STPG2: variants seen among roughly 807,000 people sequenced by gnomAD.
STPG2 encodes the protein sperm tail PG-rich repeat containing 2, also known as sperm-tail PG-rich repeat-containing protein 2.
Under a neutral mutation model 54.2 loss-of-function variants are expected in STPG2, and 56 were observed. The observed-to-expected ratio is 1.03, with a 90% CI of 0.83 to 1.29. The LOEUF is 1.29. STPG2 is among the 50% of genes most tolerant of loss of function. The pLI is 0.00. For synonymous variants in STPG2, 200 were observed against 181.8 expected (o/e 1.10, Z -0.81); for missense variants, 596 against 544.9 (o/e 1.09, Z -0.93).
At chr4:97,957,381 G>A (rs1733720957) in intron 7 of STPG2, among the ~76,000 whole-genome samples, 2 of 150,486 alleles carry the variant, frequency 1.3e-5, no homozygotes, top group African/African-American at 2.4e-5. Context: ...CAAAGACAAA[G>A]AAAAAAAATA....
chr4:97,864,813 AC>A (rs1237140898), intron 8 of STPG2, among the ~76,000 whole-genome samples: 1 of 152,146 alleles, frequency 6.6e-6, no homozygotes, highest in Non-Finnish European at 1.5e-5. Context: ...CTGATCTTTG[AC>A]AAACCTGACA....
chr4:97,862,255 A>G (rs1055712730), intron 8 of STPG2, among the ~76,000 whole-genome samples: 2 of 151,968 alleles, frequency 1.3e-5, no homozygotes, highest in Non-Finnish European at 2.9e-5. Flanking sequence ...AGGAAGATCT[A>G]CCAAGCAAAT....
At chr4:97,636,793 A>G (rs1351029608) in intron 10 of STPG2, among the ~76,000 whole-genome samples, 1 of 152,194 alleles carries the variant, frequency 6.6e-6, no homozygotes, top group Non-Finnish European at 1.5e-5. Flanking sequence ...CTAAACCAGG[A>G]AGAAGTTGAA....
chr4:98,037,389 T>TA (rs1448804443), intron 5 of STPG2, among the ~76,000 whole-genome samples: 1 of 152,076 alleles, frequency 6.6e-6, no homozygotes, highest in Non-Finnish European at 1.5e-5. Context: ...TTAATGTATA[T>TA]ACAAAATTAA....
intron 10 of STPG2, among the ~76,000 whole-genome samples, chr4:97,662,036 G>A (rs911600327): frequency 5.3e-5 from 8 of 152,010 alleles, no homozygotes; most frequent in African/African-American, 1.9e-4. Flanking sequence ...TCGACACATA[G>A]GACTTAATTA....
intron 10 of STPG2, among the ~76,000 whole-genome samples, chr4:97,576,653 A>C (rs1387664159): frequency 6.6e-6 from 1 of 152,134 alleles, no homozygotes; most frequent in Non-Finnish European, 1.5e-5. Context: ...CCTAGAAGAA[A>C]ACTTAGAAAA....
chr4:97,636,356 A>T (rs958735727), intron 10 of STPG2, among the ~76,000 whole-genome samples: 78 of 140,370 alleles, frequency 5.6e-4, no homozygotes, highest in African/African-American at 1.9e-3. Flanking sequence ...GTAGAGGGAA[A>T]TTTATAGCAT....
At chr4:97,496,993 T>TC (rs1730625407) in intron 4 of STPG2, among the ~76,000 whole-genome samples, 1 of 151,362 alleles carries the variant, frequency 6.6e-6, no homozygotes, top group Non-Finnish European at 1.5e-5. Flanking sequence ...TTCCTTTTTT[T>TC]TTTTTTTTAA....
chr4:97,955,284 G>A (rs966183845), intron 7 of STPG2, among the ~76,000 whole-genome samples: 2 of 149,540 alleles, frequency 1.3e-5, no homozygotes, highest in African/African-American at 2.5e-5. Flanking sequence ...GCACGATCTC[G>A]GCTCACGGCT....
At chr4:98,002,148 G>A (rs1161196898) in intron 5 of STPG2, among the ~76,000 whole-genome samples, 4 of 151,916 alleles carry the variant, frequency 2.6e-5, no homozygotes, top group Non-Finnish European at 5.9e-5. Flanking sequence ...GTAGTAGCAG[G>A]GTTTCATGAT....
intron 3 of STPG2, among the ~76,000 whole-genome samples, chr4:98,117,286 A>G (rs1739547199): frequency 6.6e-6 from 1 of 151,896 alleles, no homozygotes; most frequent in Admixed American, 6.6e-5. Context: ...CATGATTTCT[A>G]TTAACCTTTT....
intron 8 of STPG2, among the ~76,000 whole-genome samples, chr4:97,905,352 A>C (rs1447341221): frequency 6.6e-6 from 1 of 152,176 alleles, no homozygotes; most frequent in Non-Finnish European, 1.5e-5. Flanking sequence ...TATCCAGCCA[A>C]ACTAAGCTTC....
At chr4:97,674,584 A>G (rs1248670761) in intron 10 of STPG2, among the ~76,000 whole-genome samples, 1 of 152,114 alleles carries the variant, frequency 6.6e-6, no homozygotes, top group Non-Finnish European at 1.5e-5. Context: ...CTACAATCAA[A>G]CCCTTAAAAT....
chr4:97,873,095 A>T (rs1159575289), intron 8 of STPG2, among the ~76,000 whole-genome samples: 1 of 151,272 alleles, frequency 6.6e-6, no homozygotes, highest in Admixed American at 6.6e-5. Flanking sequence ...CACACCTATT[A>T]CCTATATCTA....
At chr4:97,977,110 A>G (rs1734524883) in intron 6 of STPG2, among the ~76,000 whole-genome samples, 1 of 152,108 alleles carries the variant, frequency 6.6e-6, no homozygotes, top group Admixed American at 6.5e-5. Context: ...AAATACTGTA[A>G]AAGACTAAAA....
chr4:97,459,203 G>A (rs959902545), intron 4 of STPG2, among the ~76,000 whole-genome samples: 10 of 151,974 alleles, frequency 6.6e-5, no homozygotes, highest in African/African-American at 2.4e-5. Flanking sequence ...ACACAAAGAG[G>A]CAGAAAGGAA....
chr4:97,752,043 T>C (rs1725595834), intron 9 of STPG2, among the ~76,000 whole-genome samples: 1 of 151,800 alleles, frequency 6.6e-6, no homozygotes, highest in Non-Finnish European at 1.5e-5. Flanking sequence ...TCATTACATT[T>C]AGAAAAACTA....
chr4:98,078,673 C>A (rs933771526), intron 5 of STPG2, among the ~76,000 whole-genome samples: 1 of 151,890 alleles, frequency 6.6e-6, no homozygotes, highest in African/African-American at 2.4e-5. Context: ...CAGGATGTTA[C>A]AACAAATGGA....
chr4:97,928,184 G>A (rs537429755), intron 8 of STPG2, among the ~76,000 whole-genome samples: 2 of 152,106 alleles, frequency 1.3e-5, no homozygotes, highest in African/African-American at 4.8e-5. Context: ...TTCCATCTGA[G>A]AGGCCCTCCT....
Sources: allele counts gnomAD v4.1 joint callset (sites outside exome capture counted in the v4.1 genomes callset), GRCh38; gene constraint gnomAD v4.1.1; transcripts MANE v1.5; gene names NCBI Gene and HGNC (gene_info 2026-07-23, HGNC 2026-07-21).